The following GPR162 variants were observed in gnomAD, a reference collection of about 807,000 sequenced individuals.
The protein encoded by GPR162 is G protein-coupled receptor 162, also known as probable G protein-coupled receptor 162.
GPR162 carries 26 observed loss-of-function variants against 44.9 expected under a neutral mutation model. The observed-to-expected ratio is 0.58, with a 90% CI of 0.42 to 0.80. The LOEUF (loss-of-function observed/expected upper bound fraction) is 0.80, where lower values mean the gene tolerates loss of function less well. Among genes scored for constraint, GPR162 ranks in the 30% least tolerant of loss-of-function variants. The probability of loss-of-function intolerance (pLI) is 0.00; values close to 1 mark genes in which losing one functional copy is unlikely to be tolerated. For synonymous variants in GPR162, 363 were observed against 335.2 expected, an observed-to-expected ratio of 1.08 and a Z score of -0.91; for missense variants, 704 against 802.3, an observed-to-expected ratio of 0.88 and a Z score of 1.48.
In GPR162 at chr12:6,826,278, G is replaced by A. The variant is rs782090213; in HGVS notation, c.1140G>A (p.Arg380=). The stretch of plus-strand genomic sequence containing the variant: ...ACGGAGCCACAGGACCAGGGAGCCG[G>A]GACCCCGCCCAGGTGAAGCTGCTGC... ...DANGATGPGS[R]DPAQVKLLPG... is the part of the protein sequence containing the mutation. Residue 380 remains arginine, a synonymous_variant, in exon 4 of 5, where the codon CGG becomes CGA. Coordinates refer to ENST00000311268, the MANE Select transcript of GPR162 (RefSeq NM_019858.2). The A allele has an allele frequency of 1.9e-6, 3 of 1,613,976 alleles. No homozygotes were observed. The highest frequency in any genetic ancestry group is 4.5e-5 in the East Asian group (2 of 44,882).
Position 6,825,600 on chromosome 12 carries a change from G to A in GPR162, c.984G>A (p.Glu328=). The A allele has an allele frequency of 6.3e-7, 1 of 1,598,606 alleles. No individual in the cohort carries two copies. The highest frequency in any genetic ancestry group is 8.5e-7 in the Non-Finnish European group (1 of 1,172,840). ...LLLPSFIWSC[E]RYRADVRTVW... ...TGCCCTCCTTCATCTGGTCCTGCGA[G>A]CGCTACCGCGCCGACGTGCGCACAG... is the stretch of plus-strand genomic sequence containing the variant. Residue 328 remains glutamate (E), a synonymous_variant, in exon 3 of 5, where the codon GAG becomes GAA. Transcript: ENST00000311268.
chr12:6,826,742 C>A lies in GPR162; in HGVS notation c.1305C>A (p.Ser435=). ...EPGSFLHKWS[S]SDDIRVLPAQ... is the part of the protein sequence containing the mutation. Reference sequence around the variant, plus strand: ...GCTCCTTCCTGCACAAGTGGTCATCCTCTGATGACATCCGGGTCCTCCCAG... The same window carrying A: ...GCTCCTTCCTGCACAAGTGGTCATCATCTGATGACATCCGGGTCCTCCCAG... The change falls in exon 5 of 5, where the codon TCC becomes TCA. Residue 435 remains serine (S), a synonymous_variant. Transcript: ENST00000311268. 6.3e-7 allele frequency: 1 copy of A among 1,596,450 alleles called. No homozygotes were observed. The highest frequency in any genetic ancestry group is 8.5e-7 in the Non-Finnish European group (1 of 1,172,058).
chr12:6,825,775 A>G (rs1158479649), intron 3 of GPR162, 102 bp downstream of exon 3: 3 of 1,008,824 alleles, frequency 3.0e-6, no homozygotes, highest in East Asian at 2.6e-5. Flanking sequence ...AGTGCCCCCT[A>G]CTGGACAGAA....
chr12:6,825,367 G>A (rs184719613), intron 2 of GPR162, 117 bp from the exon 3 acceptor site: 1 of 649,572 alleles, frequency 1.5e-6, no homozygotes, highest in African/African-American at 1.8e-5. Flanking sequence ...GCCTCTGTTG[G>A]AGCACAGGGA....
chr12:6,824,885 C>T lies in GPR162; in HGVS notation c.867+120C>T, dbSNP rs1555119762. ...TCATCTCTCCTCCAGTTCCATCATCCATCTTCCTCTCCTCTGTCCATCCCC... is the reference window on the plus strand; with the variant it reads ...TCATCTCTCCTCCAGTTCCATCATCTATCTTCCTCTCCTCTGTCCATCCCC... On this transcript the variant is annotated intron_variant, in intron 2 of 4. Coordinates refer to ENST00000311268, the MANE Select transcript of GPR162 (RefSeq NM_019858.2). The T allele has an allele frequency of 5.0e-6, 4 of 803,794 alleles. No individual in the cohort carries two copies. The African/African-American group carries it at 5.1e-5, about 10-fold the overall frequency. The allele number at this position is 803,794 out of a possible 1,614,324, so 49.8% of individuals were successfully genotyped here. A position where few individuals can be genotyped will look rare whatever the true frequency, so the allele number is the denominator to read the frequency against.
chr12:6,825,083 C>A (rs956634676), intron 2 of GPR162: 6 of 588,012 alleles, frequency 1.0e-5, no homozygotes, highest in Non-Finnish European at 1.3e-5. Context: ...GGTTCAGCCG[C>A]AGACCTCTCA....
chr12:6,825,646 A>G lies in GPR162; in HGVS notation c.1030A>G (p.Ile344Val), dbSNP rs1555119910. The change falls in exon 3 of 5, where the codon ATC becomes GTC. Residue 344 changes from isoleucine (I) to valine (V), a missense_variant. By Grantham distance (29) the Ile-to-Val change is conservative. Transcript: ENST00000311268. ...VRTVWEQCVAIMSEEDGDDDG... is the reference protein window; with the variant it reads ...VRTVWEQCVAVMSEEDGDDDG... The stretch of plus-strand genomic sequence containing the variant: ...CACAGTGTGGGAGCAATGCGTGGCC[A>G]TCATGTCTGAGGAGGATGGAGATGA... 1.9e-6 allele frequency: 3 copies of G among 1,578,248 alleles called. No homozygotes were observed. Among genetic ancestry groups the G allele is most frequent in the Non-Finnish European group, 2.6e-6 (3 of 1,161,600 alleles).
In GPR162 at chr12:6,825,234, C is replaced by A. The variant is rs997788184; in HGVS notation, c.868-250C>A. On this transcript the variant is annotated intron_variant, in intron 2 of 4. Transcript: ENST00000311268. ...GTTCCTGGGTTCCTGTCTGTCTCTA[C>A]GGTTCCTGGTCCACCTCTGTTCCTC... The A allele has an allele frequency of 1.4e-5, 8 of 576,242 alleles. No homozygotes were observed. In the East Asian group the frequency reaches 2.0e-4, roughly 15 times the overall value. The allele number at this position is 576,242 out of a possible 1,614,324, so 35.7% of individuals were successfully genotyped here. A position where few individuals can be genotyped will look rare whatever the true frequency, so the allele number is the denominator to read the frequency against.
Position 6,824,352 on chromosome 12 carries a change from C to A in GPR162, c.454C>A (p.Pro152Thr). 6.2e-7 allele frequency: 1 copy of A among 1,614,142 alleles called. No homozygotes were observed. The highest frequency in any genetic ancestry group is 8.5e-7 in the Non-Finnish European group (1 of 1,180,002). ...WMVSFILSTL[P>T]SIGWHNNGER... is the part of the protein sequence containing the mutation. ...GGTCAGCTTCATCCTCTCCACACTG[C>A]CCTCCATTGGCTGGCACAACAACGG... is the stretch of plus-strand genomic sequence containing the variant. Residue 152 changes from proline (P) to threonine (T), a missense_variant, in exon 2 of 5, where the codon CCC (proline) becomes ACC (threonine). By Grantham distance (38) the Pro-to-Thr change is conservative. Transcript: ENST00000311268.
intron 3 of GPR162, 152 bp downstream of exon 3, chr12:6,825,825 C>A: frequency 3.0e-6 from 2 of 668,020 alleles, no homozygotes; most frequent in Admixed American, 2.8e-5. Context: ...AAGCAGGCAC[C>A]CTGCTGTCCA....
Position 6,823,842 on chromosome 12 carries a change from G to A in GPR162, c.-57G>A. ...GGAGTGTTTGTGAGTGGGGCTCCTG[G>A]GTGAGACCTAGCCCCCACCCCCACA... On this transcript the variant is annotated 5_prime_UTR_variant, in exon 2 of 5. Coordinates refer to ENST00000311268, the MANE Select transcript of GPR162 (RefSeq NM_019858.2). 6.3e-7 allele frequency: 1 copy of A among 1,593,398 alleles called. No homozygotes were observed. The highest frequency in any genetic ancestry group is 1.1e-5 in the South Asian group (1 of 88,484).
In GPR162 at chr12:6,826,821, T is replaced by C; in HGVS notation, c.1384T>C (p.Leu462=). 1 of 1,609,604 alleles carries C rather than the reference T, an allele frequency of 6.2e-7. No individual in the cohort carries two copies. The highest frequency in any genetic ancestry group is 8.5e-7 in the Non-Finnish European group (1 of 1,177,802). ...TGAGTACCTGGGACAAAGACACAGG[T>C]TGGAGGACGAGGAGGACGAGGAAGA... ...PPEYLGQRHR[L]EDEEDEEEAE... is the part of the protein sequence containing the mutation. Residue 462 remains leucine (L), a synonymous_variant, in exon 5 of 5, where the codon TTG becomes CTG. Coordinates refer to ENST00000311268, the MANE Select transcript of GPR162 (RefSeq NM_019858.2).
In GPR162 at chr12:6,827,365, C is replaced by G. The variant is rs2137952028; in HGVS notation, c.*161C>G. The stretch of plus-strand genomic sequence containing the variant: ...CCCATCCAAGTGACCAGATGCCCTA[C>G]TCAGCTTCCATCACCCCTAGCAATA... On this transcript the variant is annotated 3_prime_UTR_variant, in exon 5 of 5. Coordinates refer to ENST00000311268, the MANE Select transcript of GPR162 (RefSeq NM_019858.2). 1 of 618,896 alleles carries G rather than the reference C, an allele frequency of 1.6e-6. No homozygotes were observed. The highest frequency in any genetic ancestry group is 2.8e-6 in the Non-Finnish European group (1 of 352,660). The allele number at this position is 618,896 out of a possible 1,614,324, so 38.3% of individuals were successfully genotyped here. A position where few individuals can be genotyped will look rare whatever the true frequency, so the allele number is the denominator to read the frequency against.
At position 6,823,634 on chromosome 12, in the gene GPR162, T is replaced by C. The variant is rs990923262; in HGVS notation, c.-265T>C. The C allele has an allele frequency of 1.4e-5, 11 of 809,610 alleles. No individual in the cohort carries two copies. The highest frequency in any genetic ancestry group is 1.2e-4 in the African/African-American group (7 of 58,390). The allele number at this position is 809,610 out of a possible 1,614,324, so 50.2% of individuals were successfully genotyped here. On this transcript the variant is annotated 5_prime_UTR_variant, in exon 2 of 5. Transcript: ENST00000311268. ...GTAGCCAGCTTGCCTGCCCCATCAA[T>C]TGCAGGGATGCTTAAGGAAGGCCCC...
rs782712077 is a variant in GPR162 at position 6,826,826 on chromosome 12, G to C, written c.1389G>C (p.Glu463Asp). The change falls in exon 5 of 5, where the codon GAG becomes GAC. Residue 463 changes from glutamate (E) to aspartate (D), a missense_variant. Glu to Asp is a conservative substitution (Grantham distance 45, BLOSUM62 2). Around this residue, in one of 6 missense-constraint regions of GPR162, gnomAD observed 404 missense variants for 314.1 expected, o/e 1.29. Transcript: ENST00000311268. Reference sequence around the variant, plus strand: ...ACCTGGGACAAAGACACAGGTTGGAGGACGAGGAGGACGAGGAAGAGGCTG... The same window carrying C: ...ACCTGGGACAAAGACACAGGTTGGACGACGAGGAGGACGAGGAAGAGGCTG... ...PEYLGQRHRL[E>D]DEEDEEEAEG... The C allele has an allele frequency of 6.2e-7, 1 of 1,604,040 alleles. No homozygotes were observed. The highest frequency in any genetic ancestry group is 8.5e-7 in the Non-Finnish European group (1 of 1,173,364).
intron 2 of GPR162, chr12:6,824,973 C>T (rs1555119792): frequency 1.4e-6 from 1 of 699,930 alleles, no homozygotes; most frequent in African/African-American, 1.7e-5. Context: ...CTGTTTACCC[C>T]AGCTCCAGCA....
At position 6,826,784 on chromosome 12, in the gene GPR162, CG is replaced by C; in HGVS notation, c.1352del (p.Gly451ValfsTer104). 1 of 1,609,232 alleles carries C rather than the reference CG, an allele frequency of 6.2e-7. No homozygotes were observed. The highest frequency in any genetic ancestry group is 8.5e-7 in the Non-Finnish European group (1 of 1,177,558). ...RVLPAQSRAL[G>X]GPPEYLGQRH... ...TCCTCCCAGCCCAGAGCCGGGCCCT[CG>C]GGGGTCCTCCTGAGTACCTGGGACA... On this transcript the variant is annotated frameshift_variant, in exon 5 of 5. Coordinates refer to ENST00000311268, the MANE Select transcript of GPR162 (RefSeq NM_019858.2). LOFTEE classifies it high-confidence loss of function.
intron 4 of GPR162, 116 bp from the exon 5 acceptor site, chr12:6,826,537 G>A (rs782649843): frequency 3.9e-5 from 45 of 1,139,398 alleles, no homozygotes; most frequent in Middle Eastern, 2.3e-4. Flanking sequence ...TTTGCCCACC[G>A]GAGCAAACGT....
Position 6,827,032 on chromosome 12 carries a change from G to A in GPR162, c.1595G>A (p.Gly532Asp), listed in dbSNP as rs782678241. 11 of 1,613,366 alleles carry A rather than the reference G, an allele frequency of 6.8e-6. No homozygotes were observed. The highest frequency in any genetic ancestry group is 1.3e-5 in the African/African-American group (1 of 75,076). ...TCTCCTCGTCGGCCCCGGCCACTGG[G>A]CCTCTCACCCCGCCGACTCTCCCTT... is the stretch of plus-strand genomic sequence containing the variant. ...GHSPRRPRPL[G>D]LSPRRLSLGS... Residue 532 changes from glycine to aspartate, a missense_variant, in exon 5 of 5, where the codon GGC becomes GAC. By Grantham distance (94) the Gly-to-Asp change is moderately conservative. Transcript: ENST00000311268.
Sources: gnomAD v4.1 joint callset for allele counts on GRCh38, gnomAD v4.1.1 for gene constraint, gnomAD v4.1.1 regional missense constraint, MANE v1.5 for transcripts, NCBI Gene and HGNC (gene_info 2026-07-23, HGNC 2026-07-21) for gene names.